Variants in PTPRD observed in about 807,000 individuals in gnomAD.
PTPRD encodes receptor-type tyrosine-protein phosphatase delta.
Under a neutral mutation model 214.5 loss-of-function variants are expected in PTPRD, and 34 were observed. The ratio of observed to expected loss-of-function variants is 0.16; its 90% CI spans 0.12 to 0.21. The LOEUF is 0.21. Ranked by LOEUF, PTPRD falls within the 10% of genes least tolerant of loss-of-function variation. The probability of loss-of-function intolerance (pLI) is 1.00; values close to 1 mark genes in which losing one functional copy is unlikely to be tolerated. For missense variants in PTPRD, 2,545 were observed against 2,398.7 expected, an observed-to-expected ratio of 1.06 and a Z score of -1.27; for synonymous variants, 1,128 against 845.7, an observed-to-expected ratio of 1.33 and a Z score of -5.79.
chr9:10,089,302 A>G (rs10958881), intron 3 of PTPRD, among the ~76,000 whole-genome samples: 35,889 of 151,344 alleles, frequency 0.24, 4,468 homozygotes, highest in South Asian at 0.36. Context: ...AGTAAAAATA[A>G]AAAATGTTTA....
In PTPRD at chr9:8,499,611, A is replaced by T. The variant is rs768129498; in HGVS notation, c.2322+36T>A. On this transcript the variant is annotated intron_variant, in intron 25 of 45. Transcript: ENST00000381196. The stretch of plus-strand genomic sequence containing the variant: ...GGATATGAACTAAGATAAACTTATT[A>T]TATAAAAACAGAGGTACATAATTTC... 3.8e-6 allele frequency: 6 copies of T among 1,575,938 alleles called. No homozygotes were observed. The African/African-American group carries it at 8.3e-5, about 22-fold the overall frequency.
chr9:8,842,578 G>C (rs538914303), intron 11 of PTPRD, among the ~76,000 whole-genome samples: 3 of 152,192 alleles, frequency 2.0e-5, no homozygotes, highest in Non-Finnish European at 4.4e-5. Flanking sequence ...ACTGTGGAGA[G>C]GTAGGGGGTT....
intron 3 of PTPRD, among the ~76,000 whole-genome samples, chr9:10,224,785 T>G (rs1325352988): frequency 1.3e-5 from 2 of 151,996 alleles, no homozygotes; most frequent in Admixed American, 1.3e-4. Context: ...CAACTCAGTA[T>G]GAACACAATG....
chr9:9,263,899 T>G (rs1368747289), intron 9 of PTPRD, among the ~76,000 whole-genome samples: 2 of 151,524 alleles, frequency 1.3e-5, no homozygotes, highest in East Asian at 2.0e-4. Flanking sequence ...AACCTGCATA[T>G]CAATCCCCTG....
In PTPRD at chr9:9,760,599, TACACACACACACACACACAC is replaced by T. The variant is rs146209140; in HGVS notation, c.-326+6191_-326+6210del. ...CCCCATCATCTTTACTCAGCTATCA[TACACACACACACACACACAC>T]ACACACACACACACACACACACACA... On this transcript the variant is annotated intron_variant, in intron 6 of 45. Transcript: ENST00000381196. 6.4e-3 allele frequency among the ~76,000 whole-genome samples: 686 copies of T among 107,890 alleles called. 2 individuals are homozygous for T. Among genetic ancestry groups the T allele is most frequent in the Non-Finnish European group, 7.4e-3 (399 of 53,828 alleles). 70.8% of individuals were successfully genotyped at this position (107,890 alleles called of 152,430 possible).
chr9:9,421,207 C>T lies in PTPRD; in HGVS notation c.-236-23725G>A. ...CTTTATATATTGCCTTTAACAAACA[C>T]TAAATATTATTTCTAAAATAAAAAC... On this transcript the variant is annotated intron_variant, in intron 8 of 45. Coordinates refer to ENST00000381196, the MANE Select transcript of PTPRD (RefSeq NM_002839.4). 2.0e-5 allele frequency among the ~76,000 whole-genome samples: 3 copies of T among 151,738 alleles called. 1 individual carries two copies. The South Asian group carries it at 6.2e-4, about 31-fold the overall frequency.
chr9:8,954,773 A>G (rs10977399), intron 11 of PTPRD, among the ~76,000 whole-genome samples: 19,205 of 151,882 alleles, frequency 0.13, 1,356 homozygotes, highest in South Asian at 0.2. Context: ...CTTTAGGTAT[A>G]CAATGTAGAT....
At chr9:8,968,752 A>G (rs150324757) in intron 11 of PTPRD, among the ~76,000 whole-genome samples, 16 of 151,700 alleles carry the variant, frequency 1.1e-4, no homozygotes, top group African/African-American at 3.9e-4. Context: ...CTATACTGTC[A>G]ATGCAAAATT....
At chr9:10,193,271 T>G (rs2154323425) in intron 3 of PTPRD, among the ~76,000 whole-genome samples, 1 of 152,202 alleles carries the variant, frequency 6.6e-6, no homozygotes, top group South Asian at 2.1e-4. Flanking sequence ...TCCTGAAAAT[T>G]TTTACTTTAT....
At chr9:8,698,875 T>C (rs3817208) in intron 12 of PTPRD, among the ~76,000 whole-genome samples, 43,444 of 151,886 alleles carry the variant, frequency 0.29, 6,901 homozygotes, top group African/African-American at 0.43. Context: ...CTTCTCACTG[T>C]TCAAGAACAG....
At chr9:9,851,106 T>G (rs555801660) in intron 5 of PTPRD, among the ~76,000 whole-genome samples, 1 of 152,282 alleles carries the variant, frequency 6.6e-6, no homozygotes, top group Admixed American at 6.6e-5. Context: ...AAGGATGAAA[T>G]GAAATTGTGA....
chr9:10,608,836 G>T (rs1019772408), intron 2 of PTPRD, among the ~76,000 whole-genome samples: 16 of 151,996 alleles, frequency 1.1e-4, no homozygotes, highest in African/African-American at 3.1e-4. Flanking sequence ...CTTGTTACAA[G>T]TACAGTTAAT....
chr9:8,432,751 T>G (rs1290514228), intron 35 of PTPRD, among the ~76,000 whole-genome samples: 1 of 152,212 alleles, frequency 6.6e-6, no homozygotes, highest in Non-Finnish European at 1.5e-5. Flanking sequence ...TTATCACAGT[T>G]GAATACAACA....
intron 3 of PTPRD, among the ~76,000 whole-genome samples, chr9:10,264,609 C>T (rs1487132520): frequency 6.6e-6 from 1 of 152,084 alleles, no homozygotes; most frequent in Non-Finnish European, 1.5e-5. Flanking sequence ...AGCTAACTTG[C>T]TTTTGATTTT....
intron 3 of PTPRD, among the ~76,000 whole-genome samples, chr9:10,253,612 G>C (rs1203149228): frequency 6.6e-6 from 1 of 152,176 alleles, no homozygotes; most frequent in Non-Finnish European, 1.5e-5. Flanking sequence ...ATAAGGGCTG[G>C]AGGCTTTCAA....
At chr9:9,940,862 T>C (rs185049552) in intron 4 of PTPRD, among the ~76,000 whole-genome samples, 3 of 152,254 alleles carry the variant, frequency 2.0e-5, no homozygotes, top group Admixed American at 2.0e-4. Flanking sequence ...TTACAATCTA[T>C]GAGATATGAT....
chr9:8,702,665 G>C (rs1486036874), intron 12 of PTPRD, among the ~76,000 whole-genome samples: 1 of 152,216 alleles, frequency 6.6e-6, no homozygotes, highest in East Asian at 1.9e-4. Flanking sequence ...CCCAGCTGGA[G>C]TGCAGTGGCA....
chr9:8,472,211 T>TCATA (rs2096666425), intron 30 of PTPRD, among the ~76,000 whole-genome samples: 1 of 152,156 alleles, frequency 6.6e-6, no homozygotes, highest in Non-Finnish European at 1.5e-5. Context: ...ACTCTATGTG[T>TCATA]CATAAAGTAT....
intron 9 of PTPRD, among the ~76,000 whole-genome samples, chr9:9,219,494 T>A (rs2099954444): frequency 6.6e-6 from 1 of 152,152 alleles, no homozygotes; most frequent in African/African-American, 2.4e-5. Flanking sequence ...GCCAAATTCC[T>A]TAAAGTTTAA....
Sources: gnomAD v4.1 joint callset for allele counts (sites outside exome capture counted in the v4.1 genomes callset) on GRCh38, gnomAD v4.1.1 for gene constraint, MANE v1.5 for transcripts, NCBI Gene and HGNC (gene_info 2026-07-23, HGNC 2026-07-21) for gene names.